KIAA0825: variants seen among roughly 807,000 people sequenced by gnomAD.
KIAA0825 encodes the protein uncharacterized protein KIAA0825.
Under a neutral mutation model 147.6 loss-of-function variants are expected in KIAA0825, and 119 were observed. The observed-to-expected ratio is 0.81, with a 90% CI of 0.69 to 0.94. The LOEUF (loss-of-function observed/expected upper bound fraction) is 0.94, where lower values mean the gene tolerates loss of function less well. Ranked by LOEUF, KIAA0825 falls within the 40% of genes least tolerant of loss-of-function variation. KIAA0825 has a pLI of 0.00. For synonymous variants in KIAA0825, 470 were observed against 518.1 expected, an observed-to-expected ratio of 0.91 and a Z score of 1.26; for missense variants, 1,381 against 1,472.7, an observed-to-expected ratio of 0.94 and a Z score of 1.02.
intron 10 of KIAA0825, among the ~76,000 whole-genome samples, chr5:94,468,916 T>C (rs893249379): frequency 2.6e-5 from 4 of 152,184 alleles, no homozygotes; most frequent in African/African-American, 9.7e-5. Flanking sequence ...TTGAATTTTT[T>C]TAAAAATCCT....
chr5:94,432,054 T>G (rs1755742258), intron 14 of KIAA0825, among the ~76,000 whole-genome samples: 1 of 152,238 alleles, frequency 6.6e-6, no homozygotes, highest in African/African-American at 2.4e-5. Context: ...ACTGTGAATG[T>G]CCTGATAATA....
At chr5:94,394,492 C>T (rs1335082985) in intron 17 of KIAA0825, among the ~76,000 whole-genome samples, 1 of 152,058 alleles carries the variant, frequency 6.6e-6, no homozygotes, top group African/African-American at 2.4e-5. Flanking sequence ...TAGGAGATAC[C>T]AGATGTGTTG....
chr5:94,162,090 G>A (rs1767637780), intron 20 of KIAA0825, among the ~76,000 whole-genome samples: 2 of 152,256 alleles, frequency 1.3e-5, no homozygotes, highest in South Asian at 4.1e-4. Flanking sequence ...GGCTTGCCCT[G>A]CATACAATCT....
intron 20 of KIAA0825, among the ~76,000 whole-genome samples, chr5:94,156,812 A>G (rs1767065014): frequency 1.3e-5 from 2 of 152,208 alleles, no homozygotes; most frequent in Admixed American, 6.5e-5. Context: ...TATTAGAACT[A>G]CATTTTCCTT....
At chr5:94,504,708 G>A (rs1342305289) in intron 5 of KIAA0825, among the ~76,000 whole-genome samples, 1 of 147,416 alleles carries the variant, frequency 6.8e-6, no homozygotes, top group Non-Finnish European at 1.5e-5. Flanking sequence ...ATAAATCAAA[G>A]TTAACATTTA....
At chr5:94,393,851 T>C (rs1045824623) in intron 17 of KIAA0825, among the ~76,000 whole-genome samples, 1 of 123,056 alleles carries the variant, frequency 8.1e-6, no homozygotes, top group African/African-American at 4.8e-5. Context: ...GAAACACTCT[T>C]TTTTTTTTTT....
intron 2 of KIAA0825, among the ~76,000 whole-genome samples, chr5:94,537,775 A>C (rs1772384711): frequency 6.6e-6 from 1 of 152,180 alleles, no homozygotes; most frequent in African/African-American, 2.4e-5. Context: ...ACCACTGTGA[A>C]CAAGGGTGGG....
At chr5:94,468,370 T>C (rs534760646) in intron 10 of KIAA0825, among the ~76,000 whole-genome samples, 4 of 152,344 alleles carry the variant, frequency 2.6e-5, no homozygotes, top group African/African-American at 9.6e-5. Flanking sequence ...CTGAAATAGT[T>C]TGAAACATGA....
chr5:94,294,029 C>T (rs1169597586), intron 20 of KIAA0825, among the ~76,000 whole-genome samples: 2 of 152,012 alleles, frequency 1.3e-5, no homozygotes, highest in Non-Finnish European at 2.9e-5. Flanking sequence ...TGCCTTTGCA[C>T]GTGGGATGGG....
intron 13 of KIAA0825, among the ~76,000 whole-genome samples, chr5:94,441,732 C>T (rs1216948861): frequency 6.6e-6 from 1 of 152,146 alleles, no homozygotes; most frequent in Non-Finnish European, 1.5e-5. Flanking sequence ...GCCTCCAGAA[C>T]CATGAGAAAT....
intron 6 of KIAA0825, among the ~76,000 whole-genome samples, chr5:94,483,347 C>G (rs182777050): frequency 6.6e-6 from 1 of 152,038 alleles, no homozygotes; most frequent in Non-Finnish European, 1.5e-5. Context: ...TGATGCATAC[C>G]TCAGAAAAGG....
chr5:94,270,265 A>G (rs1473397682), intron 20 of KIAA0825, among the ~76,000 whole-genome samples: 1 of 152,172 alleles, frequency 6.6e-6, no homozygotes, highest in African/African-American at 2.4e-5. Flanking sequence ...CCAATGGAAC[A>G]TAATTGAGAA....
intron 20 of KIAA0825, among the ~76,000 whole-genome samples, chr5:94,370,599 G>C (rs1746544822): frequency 1.3e-5 from 2 of 152,200 alleles, no homozygotes; most frequent in South Asian, 4.1e-4. Context: ...AATATTATAA[G>C]TTGATAAATT....
intron 15 of KIAA0825, among the ~76,000 whole-genome samples, chr5:94,405,717 A>C (rs1282395625): frequency 6.6e-6 from 1 of 152,170 alleles, no homozygotes; most frequent in Non-Finnish European, 1.5e-5. Context: ...GTGATAGAAC[A>C]GACAGTAAGT....
At chr5:94,210,430 T>C (rs182929159) in intron 20 of KIAA0825, among the ~76,000 whole-genome samples, 120 of 152,302 alleles carry the variant, frequency 7.9e-4, no homozygotes, top group Non-Finnish European at 1.3e-3. Context: ...AAAATCTCTT[T>C]GGGAAGGAAG....
intron 20 of KIAA0825, among the ~76,000 whole-genome samples, chr5:94,338,890 TC>T (rs1431548382): frequency 1.6e-4 from 25 of 152,126 alleles, no homozygotes; most frequent in Admixed American, 1.6e-3. Context: ...AATAGGAAAG[TC>T]CTTTTCTCTA....
chr5:94,453,625 G>T (rs1241314411), intron 12 of KIAA0825, among the ~76,000 whole-genome samples: 1 of 152,050 alleles, frequency 6.6e-6, no homozygotes, highest in Admixed American at 6.6e-5. Context: ...CACAAGTTGA[G>T]ATTTAGAATT....
chr5:94,352,198 C>G (rs1324544878), intron 20 of KIAA0825, among the ~76,000 whole-genome samples: 1 of 152,150 alleles, frequency 6.6e-6, no homozygotes, highest in African/African-American at 2.4e-5. Flanking sequence ...CCAGAATTTA[C>G]AAAGAACTCA....
rs183050495 is a variant in KIAA0825, at chr5:94,550,569, A to G, written c.-1-13442T>C. Among the ~76,000 whole-genome samples the G allele has an allele frequency of 3.9e-4, 60 of 152,288 alleles. 1 individual carries two copies. The highest frequency in any genetic ancestry group is 1.4e-3 in the African/African-American group (59 of 41,554). On this transcript the variant is annotated intron_variant, in intron 2 of 20. Coordinates refer to ENST00000682413, the MANE Select transcript of KIAA0825 (RefSeq NM_001145678.3). The stretch of plus-strand genomic sequence containing the variant: ...CACATTTGAAGAAACACAATAATTC[A>G]CGGTAGCTCACACCTGTAATCCCAG...
Sources: allele counts gnomAD v4.1 joint callset (sites outside exome capture counted in the v4.1 genomes callset), GRCh38; gene constraint gnomAD v4.1.1; transcripts MANE v1.5; gene names NCBI Gene and HGNC (gene_info 2026-07-23, HGNC 2026-07-21).